The following KIAA1217 variants were observed in gnomAD, a reference collection of about 807,000 sequenced individuals.
KIAA1217 encodes KIAA1217.
A neutral mutation model predicts 163.9 loss-of-function variants in KIAA1217; 88 were observed. That is an observed-to-expected ratio of 0.54 (90% CI 0.45 to 0.64). KIAA1217 has a LOEUF of 0.64. KIAA1217 is among the 30% of genes least tolerant of loss of function. The probability of loss-of-function intolerance (pLI) is 0.00; values close to 1 mark genes in which losing one functional copy is unlikely to be tolerated. For synonymous variants in KIAA1217, 903 were observed against 923.1 expected, an observed-to-expected ratio of 0.98 and a Z score of 0.39; for missense variants, 2,372 against 2,475.0, an observed-to-expected ratio of 0.96 and a Z score of 0.88.
In KIAA1217 at chr10:23,898,682, C is replaced by A. The variant is rs937461895; in HGVS notation, c.-320-108543C>A. Among the ~76,000 whole-genome samples the A allele has an allele frequency of 5.9e-5, 9 of 151,902 alleles. 1 individual carries two copies. The highest frequency in any genetic ancestry group is 5.9e-4 in the Admixed American group (9 of 15,232). On this transcript the variant is annotated intron_variant, in intron 1 of 18. Coordinates refer to the KIAA1217 transcript ENST00000376462. ...TAAATATATTCATATTGTTGTGCAA[C>A]CAATCTCCACAACTTTTTTACTGTA...
chr10:24,429,594 A>G (rs2059429760), intron 3 of KIAA1217, among the ~76,000 whole-genome samples: 1 of 151,908 alleles, frequency 6.6e-6, no homozygotes, highest in Non-Finnish European at 1.5e-5. Flanking sequence ...TTCTGCTCTC[A>G]TGGTTCCTAG....
At chr10:24,045,995 T>C (rs1477833278) in intron 2 of KIAA1217, among the ~76,000 whole-genome samples, 1 of 152,216 alleles carries the variant, frequency 6.6e-6, no homozygotes, top group Non-Finnish European at 1.5e-5. Context: ...AATAATTTTA[T>C]TCAGGATGAG....
Position 24,544,964 on chromosome 10 carries a change from A to G in KIAA1217, c.5212-17A>G. On this transcript the variant is annotated splice_polypyrimidine_tract_variant and intron_variant, in intron 19 of 20. Coordinates refer to ENST00000376454, the MANE Select transcript of KIAA1217 (RefSeq NM_019590.5). ...CGCTTCTCCTTCTCTTCCCCCTCTC[A>G]CTGGTCCTTCCCACAGGGCTCCAGC... 1 of 1,611,772 alleles carries G rather than the reference A, an allele frequency of 6.2e-7. No individual in the cohort carries two copies. Among genetic ancestry groups the G allele is most frequent in the African/African-American group, 1.3e-5 (1 of 74,832 alleles).
rs192142722 is a variant in KIAA1217 at position 24,436,221 on chromosome 10, C to T, written c.753-2165C>T. 8.4e-4 allele frequency among the ~76,000 whole-genome samples: 127 copies of T among 151,646 alleles called. No individual in the cohort carries two copies. In the Middle Eastern group the frequency reaches 0.01, roughly 12 times the overall value. On this transcript the variant is annotated intron_variant, in intron 4 of 20. Transcript: ENST00000376454. ...TAAAATATTTAAGTGGAAAGATCACCGATTTATAAATTTGTCTGTAATTTT... is the reference window on the plus strand; with the variant it reads ...TAAAATATTTAAGTGGAAAGATCACTGATTTATAAATTTGTCTGTAATTTT...
chr10:24,129,733 C>G (rs1165549714), intron 2 of KIAA1217, among the ~76,000 whole-genome samples: 3 of 152,136 alleles, frequency 2.0e-5, no homozygotes, highest in African/African-American at 4.8e-5. Flanking sequence ...GCCTCTTACC[C>G]ATTCCTAGAA....
At chr10:23,945,512 A>G (rs1433139470) in intron 1 of KIAA1217, among the ~76,000 whole-genome samples, 2 of 152,214 alleles carry the variant, frequency 1.3e-5, no homozygotes, top group Non-Finnish European at 2.9e-5. Flanking sequence ...TTCAGGAATG[A>G]TGGAACTGTT....
At chr10:23,805,226 T>G (rs1836677271) in intron 1 of KIAA1217, among the ~76,000 whole-genome samples, 1 of 152,172 alleles carries the variant, frequency 6.6e-6, no homozygotes. Flanking sequence ...CGTATGTTCA[T>G]TGCAGCACTC....
At chr10:23,825,327 G>T (rs1361957581) in intron 1 of KIAA1217, among the ~76,000 whole-genome samples, 1 of 152,050 alleles carries the variant, frequency 6.6e-6, no homozygotes, top group Non-Finnish European at 1.5e-5. Context: ...ATACTTTCTT[G>T]TATTTTAGTT....
chr10:23,977,419 T>C (rs934790979), intron 1 of KIAA1217, among the ~76,000 whole-genome samples: 117 of 152,272 alleles, frequency 7.7e-4, no homozygotes, highest in African/African-American at 2.7e-3. Flanking sequence ...CCTGAGGTTG[T>C]ACAGCTAATA....
chr10:24,345,591 A>G (rs1483804732), intron 2 of KIAA1217, among the ~76,000 whole-genome samples: 2 of 152,228 alleles, frequency 1.3e-5, no homozygotes, highest in African/African-American at 2.4e-5. Flanking sequence ...TTAAGATAAG[A>G]CTTAACTGTG....
intron 2 of KIAA1217, among the ~76,000 whole-genome samples, chr10:24,017,040 G>GTTT (rs35042335): frequency 1.5e-5 from 2 of 130,224 alleles, no homozygotes; most frequent in African/African-American, 5.9e-5. Context: ...TAGTTTTTTT[G>GTTT]TTTTTTTTTT....
chr10:23,923,941 C>T (rs1050554738), intron 1 of KIAA1217, among the ~76,000 whole-genome samples: 4 of 152,102 alleles, frequency 2.6e-5, no homozygotes, highest in African/African-American at 4.8e-5. Flanking sequence ...GTAGCTTTCA[C>T]GTTTACCTTT....
At position 24,488,839 on chromosome 10, in the gene KIAA1217, A is replaced by G. The variant is rs536992847; in HGVS notation, c.1680-5661A>G. On this transcript the variant is annotated intron_variant, in intron 6 of 20. Transcript: ENST00000376454. ...CTGGAAAAATGCCTTCGGCACTGCCAAGATCAAAGAGTTTTAGTTCAGGTA... is the reference window on the plus strand; with the variant it reads ...CTGGAAAAATGCCTTCGGCACTGCCGAGATCAAAGAGTTTTAGTTCAGGTA... 3.3e-5 allele frequency among the ~76,000 whole-genome samples: 5 copies of G among 152,322 alleles called. No individual in the cohort carries two copies. In the South Asian group the frequency reaches 1.0e-3, roughly 32 times the overall value.
chr10:23,773,916 T>C (rs947332607), intron 1 of KIAA1217, among the ~76,000 whole-genome samples: 1 of 152,112 alleles, frequency 6.6e-6, no homozygotes, highest in African/African-American at 2.4e-5. Flanking sequence ...CAGGGACAAT[T>C]TGACTTCCTC....
intron 2 of KIAA1217, among the ~76,000 whole-genome samples, chr10:24,184,761 T>A (rs1170566923): frequency 6.6e-6 from 1 of 152,148 alleles, no homozygotes; most frequent in African/African-American, 2.4e-5. Flanking sequence ...CACATGATTG[T>A]CCCTTTTCCT....
chr10:23,715,159 A>G (rs1336839424), intron 1 of KIAA1217, among the ~76,000 whole-genome samples: 1 of 152,196 alleles, frequency 6.6e-6, no homozygotes, highest in African/African-American at 2.4e-5. Context: ...AGCATTCAAG[A>G]TGGAGTTACT....
intron 6 of KIAA1217, among the ~76,000 whole-genome samples, chr10:24,485,518 G>T (rs2065276193): frequency 6.6e-6 from 1 of 152,126 alleles, no homozygotes; most frequent in Non-Finnish European, 1.5e-5. Context: ...GCCTTTCCTG[G>T]CCATGACACT....
chr10:24,471,992 G>A (rs78603573), intron 5 of KIAA1217, among the ~76,000 whole-genome samples: 14,862 of 151,970 alleles, frequency 0.098, 951 homozygotes, highest in East Asian at 0.16. Context: ...TGACTTGAAT[G>A]GTCGATTAAC....
At chr10:23,914,635 G>C (rs907105641) in intron 1 of KIAA1217, among the ~76,000 whole-genome samples, 1 of 152,130 alleles carries the variant, frequency 6.6e-6, no homozygotes, top group Non-Finnish European at 1.5e-5. Flanking sequence ...TTTAACATCA[G>C]CTGTAACCCA....
Sources: allele counts gnomAD v4.1 joint callset (sites outside exome capture counted in the v4.1 genomes callset), GRCh38; gene constraint gnomAD v4.1.1; transcripts MANE v1.5; gene names NCBI Gene and HGNC (gene_info 2026-07-23, HGNC 2026-07-21).